Variants in CRIPTO3 observed in about 807,000 individuals in gnomAD.
CRIPTO3 encodes protein CRIPTO3.
At chrX:110,521,428 C>T in the CRIPTO3 span, 1 of 1,211,870 alleles carries the variant, frequency 8.3e-7, no homozygotes, top group Non-Finnish European at 1.1e-6. Flanking sequence ...TGCCCTCCCT[C>T]CTTCTACGGA....
At chrX:110,521,895 CA>C in the CRIPTO3 span, 1 of 448,193 alleles carries the variant, frequency 2.2e-6, no homozygotes, top group South Asian at 3.3e-5. Context: ...TGCCCTCTCC[CA>C]AAAAACTACT....
the CRIPTO3 span, chrX:110,522,721 C>A: frequency 9.0e-6 from 1 of 110,932 alleles, no homozygotes; most frequent in African/African-American, 3.3e-5. Context: ...CTCAATGTCC[C>A]CAACAAGATT....
At chrX:110,522,683 T>C in the CRIPTO3 span, 1 of 111,169 alleles carries the variant, frequency 9.0e-6, no homozygotes, top group East Asian at 2.8e-4. Context: ...GTAAAAAGAA[T>C]GAAGTCTCCT....
chrX:110,521,428 C>G, the CRIPTO3 span: 1 of 1,211,870 alleles, frequency 8.3e-7, no homozygotes, highest in Non-Finnish European at 1.1e-6. Flanking sequence ...TGCCCTCCCT[C>G]CTTCTACGGA....
At chrX:110,522,210 G>A in the CRIPTO3 span, 2 of 185,132 alleles carry the variant, frequency 1.1e-5, no homozygotes, top group East Asian at 1.1e-4. Flanking sequence ...CACTCGCCTC[G>A]GCCTCTCGAA....
the CRIPTO3 span, chrX:110,521,178 A>C: frequency 5.4e-6 from 6 of 1,118,298 alleles, no homozygotes; most frequent in Non-Finnish European, 7.4e-6. Flanking sequence ...GATTTGGATC[A>C]TGGCCATTTC....
the CRIPTO3 span, chrX:110,522,209 C>T: frequency 2.7e-5 from 5 of 185,725 alleles, no homozygotes; most frequent in East Asian, 1.1e-4. Context: ...CCACTCGCCT[C>T]GGCCTCTCGA....
At chrX:110,521,568 C>A in the CRIPTO3 span, 11 of 1,210,568 alleles carry the variant, frequency 9.1e-6, no homozygotes, top group South Asian at 1.8e-5. Context: ...GGCATTTCTA[C>A]CCGGCTGTGA....
At chrX:110,522,932 A>C in the CRIPTO3 span, 1 of 108,422 alleles carries the variant, frequency 9.2e-6, no homozygotes, top group Admixed American at 9.8e-5. Context: ...AAAAGAAAAC[A>C]CCTAGCAGGC....
the CRIPTO3 span, chrX:110,522,547 G>T: frequency 9.0e-6 from 1 of 110,657 alleles, no homozygotes; most frequent in African/African-American, 3.3e-5. Flanking sequence ...AAACAAAATG[G>T]GTTACTTGAT....
At chrX:110,522,449 C>T in the CRIPTO3 span, 1 of 111,284 alleles carries the variant, frequency 9.0e-6, no homozygotes, top group Non-Finnish European at 1.9e-5. Flanking sequence ...AGGGGAGGAA[C>T]CAGAGTGCTG....
chrX:110,521,193 G>A, the CRIPTO3 span: 2 of 1,118,368 alleles, frequency 1.8e-6, no homozygotes, highest in Non-Finnish European at 2.5e-6. Flanking sequence ...CATTTCTAAA[G>A]CCTTTGAACT....
chrX:110,521,179 T>C, the CRIPTO3 span: 14 of 1,113,789 alleles, frequency 1.3e-5, no homozygotes, highest in African/African-American at 1.8e-5. Flanking sequence ...ATTTGGATCA[T>C]GGCCATTTCT....
At chrX:110,521,453 C>T in the CRIPTO3 span, 18 of 1,210,158 alleles carry the variant, frequency 1.5e-5, no homozygotes, top group Non-Finnish European at 1.9e-5. Flanking sequence ...ACTGTGAGCA[C>T]GATGTGCGCA....
At chrX:110,522,908 T>TAACA in the CRIPTO3 span, 1 of 80,308 alleles carries the variant, frequency 1.2e-5, no homozygotes. Flanking sequence ...TATATTGACC[T>TAACA]AAAAAAAAAA....
At chrX:110,522,328 CTTCAG>C in the CRIPTO3 span, 2 of 115,458 alleles carry the variant, frequency 1.7e-5, no homozygotes, top group African/African-American at 6.5e-5. Flanking sequence ...TGAATTACAT[CTTCAG>C]ATTATTAAAG....
the CRIPTO3 span, chrX:110,521,342 A>T: frequency 1.7e-6 from 2 of 1,208,826 alleles, no homozygotes; most frequent in Non-Finnish European, 2.2e-6. Context: ...TGCCCATGGG[A>T]ATACAGCACA....
the CRIPTO3 span, chrX:110,521,734 A>G: frequency 5.5e-6 from 6 of 1,088,004 alleles, no homozygotes; most frequent in Middle Eastern, 2.5e-4. Context: ...AATTTTAGAT[A>G]TTATGCAAAT....
chrX:110,521,884 C>A, the CRIPTO3 span: 5 of 454,752 alleles, frequency 1.1e-5, no homozygotes, highest in Non-Finnish European at 3.8e-6. Context: ...CCTCTTTGCC[C>A]TGCCCTCTCC....
Sources: gnomAD v4.1 joint callset for allele counts on GRCh38, gnomAD v4.1.1 for gene constraint, MANE v1.5 for transcripts, NCBI Gene and HGNC (gene_info 2026-07-23, HGNC 2026-07-21) for gene names.